PROM2: variants seen among roughly 807,000 people sequenced by gnomAD.
The protein encoded by PROM2 is prominin 2, also known as prominin-2.
In PROM2, 90 loss-of-function variants were observed where a neutral mutation model predicts 110.2. The observed-to-expected ratio is 0.82, with a 90% CI of 0.69 to 0.97. The LOEUF is 0.97. Among genes scored for constraint, PROM2 ranks in the 50% least tolerant of loss-of-function variants. PROM2 has a pLI of 0.00. For synonymous variants in PROM2, 470 were observed against 467.8 expected, an observed-to-expected ratio of 1.00 and a Z score of -0.06; for missense variants, 1,009 against 1,074.8, an observed-to-expected ratio of 0.94 and a Z score of 0.86.
At position 95,288,211 on chromosome 2, in the gene PROM2, G is replaced by T. The variant is rs1193951600; in HGVS notation, c.2245G>T (p.Val749Leu). Reference protein sequence around the residue: ...SQYVAWVREEVTQRIATCQPL... With the variant: ...SQYVAWVREELTQRIATCQPL... ...CACCTGCCTCATGTTGGCGCCACAG[G>T]TGACTCAGCGCATTGCCACCTGCCA... Residue 749 changes from valine to leucine, a missense_variant and splice_region_variant, in exon 21 of 24, where the codon GTG (valine) becomes TTG (leucine). Coordinates refer to ENST00000317620, the MANE Select transcript of PROM2 (RefSeq NM_001165978.3). 1 of 1,613,500 alleles carries T rather than the reference G, an allele frequency of 6.2e-7. No individual in the cohort carries two copies. Among genetic ancestry groups the T allele is most frequent in the African/African-American group, 1.3e-5 (1 of 75,050 alleles).
intron 10 of PROM2, among the ~76,000 whole-genome samples, chr2:95,279,453 C>A (rs752599986): frequency 6.6e-6 from 1 of 152,070 alleles, no homozygotes; most frequent in Admixed American, 6.5e-5. Flanking sequence ...TGCGCCACCA[C>A]GCCCAGCTAA....
intron 14 of PROM2, among the ~76,000 whole-genome samples, chr2:95,284,427 G>A (rs1192749319): frequency 1.3e-5 from 2 of 151,912 alleles, no homozygotes; most frequent in Admixed American, 1.3e-4. Context: ...GGGGATCTAG[G>A]CTTCAGTGAG....
chr2:95,275,776 TAAGAATGCGGTCACCTCTGGGACGG>T lies in PROM2; in HGVS notation c.295-153_295-129del, dbSNP rs1442008278. The T allele has an allele frequency of 6.1e-6, 9 of 1,472,460 alleles. No homozygotes were observed. Among genetic ancestry groups the T allele is most frequent in the Non-Finnish European group, 5.4e-6 (6 of 1,114,294 alleles). 91.2% of individuals were successfully genotyped at this position (1,472,460 alleles called of 1,614,324 possible). A position where few individuals can be genotyped will look rare whatever the true frequency, so the allele number is the denominator to read the frequency against. ...TCCTGTGTAAGATGGTGATGAGCAG[TAAGAATGCGGTCACCTCTGGGACGG>T]GTTCCATGAGATGCAGGCCATGCCC... is the stretch of plus-strand genomic sequence containing the variant. On this transcript the variant is annotated intron_variant, in intron 2 of 23. Coordinates refer to ENST00000317620, the MANE Select transcript of PROM2 (RefSeq NM_001165978.3). This position sits in a 1 kb window ranked among gnomAD's most constrained non-coding sequence, Gnocchi z 4.4.
intron 14 of PROM2, among the ~76,000 whole-genome samples, chr2:95,283,500 AAGC>A (rs1385937876): frequency 6.6e-6 from 1 of 152,154 alleles, no homozygotes; most frequent in Non-Finnish European, 1.5e-5. Flanking sequence ...ACTTCTCCTG[AAGC>A]TGCTGCCACT....
chr2:95,282,147 G>A lies in PROM2; in HGVS notation c.1649G>A (p.Cys550Tyr), dbSNP rs760573099. Residue 550 changes from cysteine to tyrosine, a missense_variant, in exon 14 of 24, where the codon TGC (cysteine) becomes TAC (tyrosine). Cys to Tyr is a radical substitution (Grantham distance 194). Transcript: ENST00000317620. ...NISIHQAYQQ[C>Y]KEGAALWTVL... is the part of the protein sequence containing the mutation. ...CACCCCTCACTCCTCCTCAGGCAGT[G>A]CAAGGAAGGGGCAGCGCTCTGGACA... is the stretch of plus-strand genomic sequence containing the variant. 2.5e-6 allele frequency: 4 copies of A among 1,613,900 alleles called. No homozygotes were observed. The highest frequency in any genetic ancestry group is 3.4e-6 in the Non-Finnish European group (4 of 1,179,900).
At chr2:95,282,341 T>G in intron 14 of PROM2, 115 bp downstream of exon 14, 1 of 903,868 alleles carries the variant, frequency 1.1e-6, no homozygotes, top group Non-Finnish European at 1.8e-6. Context: ...GAAGTCTGTG[T>G]GAGCGATTAA....
In PROM2 at chr2:95,274,501, G is replaced by A; in HGVS notation, c.-85G>A. 6.8e-7 allele frequency: 1 copy of A among 1,466,950 alleles called. No homozygotes were observed. The highest frequency in any genetic ancestry group is 9.1e-7 in the Non-Finnish European group (1 of 1,104,522). 90.9% of individuals were successfully genotyped at this position (1,466,950 alleles called of 1,614,324 possible). A position where few individuals can be genotyped will look rare whatever the true frequency, so the allele number is the denominator to read the frequency against. On this transcript the variant is annotated 5_prime_UTR_variant, in exon 1 of 24. Coordinates refer to ENST00000317620, the MANE Select transcript of PROM2 (RefSeq NM_001165978.3). ...GCAGGTTTTGAGAGCTGTGGAGAGA[G>A]GGACAGAGGCTGGAGAAGGATGTAT...
chr2:95,279,999 T>G lies in PROM2; in HGVS notation c.1427+2T>G. ...GGCTGGAGCCCGCTTCCTCATGGCG[T>G]AAGAAAGGGCTGGGAGAGGGGAAGG... On this transcript the variant is annotated splice_donor_variant, in intron 11 of 23. Transcript: ENST00000317620. LOFTEE classifies it high-confidence loss of function. 1.4e-6 allele frequency: 2 copies of G among 1,444,510 alleles called. No homozygotes were observed. The highest frequency in any genetic ancestry group is 3.0e-5 in the South Asian group (2 of 66,956). The allele number at this position is 1,444,510 out of a possible 1,614,324, so 89.5% of individuals were successfully genotyped here.
chr2:95,276,453 C>G lies in PROM2; in HGVS notation c.618+106C>G. The G allele has an allele frequency of 6.3e-7, 1 of 1,590,656 alleles. No homozygotes were observed. The highest frequency in any genetic ancestry group is 8.6e-7 in the Non-Finnish European group (1 of 1,164,842). On this transcript the variant is annotated intron_variant, in intron 4 of 23. Coordinates refer to ENST00000317620, the MANE Select transcript of PROM2 (RefSeq NM_001165978.3). The surrounding 1 kb of genome is among the most constrained non-coding windows in gnomAD (Gnocchi z 4.6). Reference sequence around the variant, plus strand: ...GGCCCATAACCAGCGCATCTGAAAGCCGCCTCCTCTCCCGCCCTTGCCTGA... The same window carrying G: ...GGCCCATAACCAGCGCATCTGAAAGGCGCCTCCTCTCCCGCCCTTGCCTGA...
rs760242421 is a variant in PROM2, at chr2:95,281,229, T to C, written c.1428-13T>C. ...CCCTGCTGTCCCTCAGTCCTGCCTC[T>C]CGCCTACCCCAGAGGTGTGGGCCTC... On this transcript the variant is annotated splice_polypyrimidine_tract_variant and intron_variant, in intron 11 of 23. Coordinates refer to ENST00000317620, the MANE Select transcript of PROM2 (RefSeq NM_001165978.3). 1.2e-6 allele frequency: 2 copies of C among 1,611,182 alleles called. No homozygotes were observed. Among genetic ancestry groups the C allele is most frequent in the Admixed American group, 1.7e-5 (1 of 59,990 alleles).
chr2:95,282,037 G>A, intron 13 of PROM2, 21 bp downstream of exon 13: 2 of 1,613,368 alleles, frequency 1.2e-6, no homozygotes, highest in Non-Finnish European at 1.7e-6. Context: ...AGCCTGGGCA[G>A]AGCTGGGACC....
At chr2:95,279,496 C>T (rs181803276) in intron 10 of PROM2, among the ~76,000 whole-genome samples, 2 of 152,192 alleles carry the variant, frequency 1.3e-5, no homozygotes, top group African/African-American at 4.8e-5. Context: ...AGGGTTTCAC[C>T]ATGTTGGCCA....
At chr2:95,274,903 A>C in intron 1 of PROM2, 74 bp downstream of exon 1, 1 of 1,455,758 alleles carries the variant, frequency 6.9e-7, no homozygotes. Flanking sequence ...CCACTCTACC[A>C]TGGGATGTGC....
Position 95,282,227 on chromosome 2 carries a change from G to T in PROM2, c.1728+1G>T. The stretch of plus-strand genomic sequence containing the variant: ...GGAGGAGCACCTGGATATCAACCAG[G>T]TGAGAGAACGTTTTGGAAACTGTGA... On this transcript the variant is annotated splice_donor_variant, in intron 14 of 23. Coordinates refer to ENST00000317620, the MANE Select transcript of PROM2 (RefSeq NM_001165978.3). LOFTEE classifies it high-confidence loss of function. The T allele has an allele frequency of 6.2e-7, 1 of 1,612,014 alleles. No individual in the cohort carries two copies. The highest frequency in any genetic ancestry group is 1.1e-5 in the South Asian group (1 of 90,570).
Position 95,284,110 on chromosome 2 carries a change from G to A in PROM2, c.1729-859G>A, listed in dbSNP as rs534611875. On this transcript the variant is annotated intron_variant, in intron 14 of 23. Coordinates refer to ENST00000317620, the MANE Select transcript of PROM2 (RefSeq NM_001165978.3). ...GCCAGGTCTTGGCATTTGGGGCAGG[G>A]GCCTACTGGGAGCCTGTCTGGGGCT... is the stretch of plus-strand genomic sequence containing the variant. 2.6e-5 allele frequency among the ~76,000 whole-genome samples: 4 copies of A among 152,344 alleles called. No homozygotes were observed. The South Asian group carries it at 6.2e-4, about 24-fold the overall frequency.
At chr2:95,288,653 G>T in intron 22 of PROM2, 64 bp downstream of exon 22, 1 of 1,427,822 alleles carries the variant, frequency 7.0e-7, no homozygotes, top group Non-Finnish European at 9.8e-7. Context: ...CAGCCGCCAG[G>T]GTCCCCTGTC....
intron 15 of PROM2, 54 bp downstream of exon 15, chr2:95,285,169 G>T: frequency 6.8e-7 from 1 of 1,480,594 alleles, no homozygotes; most frequent in Non-Finnish European, 9.0e-7. Context: ...ATGGAACGAA[G>T]GGGCCCACAG....
chr2:95,279,803 C>T, intron 10 of PROM2, 42 bp from the exon 11 acceptor site: 1 of 1,376,584 alleles, frequency 7.3e-7, no homozygotes, highest in Non-Finnish European at 9.5e-7. Context: ...TTGGTGCCAG[C>T]CACCTCCTTT....
chr2:95,285,050 C>G lies in PROM2; in HGVS notation c.1810C>G (p.Arg604Gly). ...GGACCTGCTGAGCTCAGCCGCCCGC[C>G]GGGACCTGGAGGCCCTGCAGAGCAG... ...SLDLLSSAAR[R>G]DLEALQSSGL... The change falls in exon 15 of 24, where the codon CGG (arginine) becomes GGG (glycine). Residue 604 changes from arginine to glycine, a missense_variant. Arg to Gly is a moderately radical substitution (Grantham distance 125). Transcript: ENST00000317620. The G allele has an allele frequency of 6.3e-7, 1 of 1,598,424 alleles. No homozygotes were observed. Among genetic ancestry groups the G allele is most frequent in the Admixed American group, 1.7e-5 (1 of 58,264 alleles).
Sources: allele counts gnomAD v4.1 joint callset (sites outside exome capture counted in the v4.1 genomes callset), GRCh38; gene constraint gnomAD v4.1.1; non-coding constraint Gnocchi (gnomAD v3.1); transcripts MANE v1.5; gene names NCBI Gene and HGNC (gene_info 2026-07-23, HGNC 2026-07-21).